CDH13: variants seen among roughly 807,000 people sequenced by gnomAD.
CDH13 encodes cadherin 13, also known as cadherin-13.
In CDH13, 24 loss-of-function variants were observed where a neutral mutation model predicts 63.8. The ratio of observed to expected loss-of-function variants is 0.38; its 90% CI spans 0.27 to 0.53. The LOEUF (loss-of-function observed/expected upper bound fraction) is 0.53. Ranked by LOEUF, CDH13 falls within the 20% of genes least tolerant of loss-of-function variation. The pLI is 0.85. For missense variants in CDH13, 1,049 were observed against 903.1 expected (o/e 1.16, Z -2.07); for synonymous variants, 503 against 355.3 (o/e 1.42, Z -4.67).
rs2042070937 is a variant in CDH13, at chr16:82,918,794, G to C, written c.157+60321G>C. ...GACAAAATGCTGCTATTATGGGTGTGAGCCCCTACGCCTGGCCCACACTGT... is the reference window on the plus strand; with the variant it reads ...GACAAAATGCTGCTATTATGGGTGTCAGCCCCTACGCCTGGCCCACACTGT... On this transcript the variant is annotated intron_variant, in intron 2 of 13. Transcript: ENST00000567109. Among the ~76,000 whole-genome samples, 4 of 152,092 alleles carry C rather than the reference G, an allele frequency of 2.6e-5. No individual in the cohort carries two copies. The South Asian group carries it at 8.3e-4, about 32-fold the overall frequency.
intron 4 of CDH13, among the ~76,000 whole-genome samples, chr16:83,133,065 A>G (rs1341907530): frequency 7.2e-5 from 11 of 152,222 alleles, no homozygotes; most frequent in South Asian, 2.1e-4. Context: ...ACACAGCCCA[A>G]TATGGTACCC....
chr16:83,117,169 C>T (rs2035344380), intron 3 of CDH13, among the ~76,000 whole-genome samples: 1 of 152,220 alleles, frequency 6.6e-6, no homozygotes, highest in Admixed American at 6.5e-5. Flanking sequence ...AAAACCCTTC[C>T]AGGGCTCACT....
chr16:83,557,698 C>T (rs150801529), intron 7 of CDH13, among the ~76,000 whole-genome samples: 3 of 152,148 alleles, frequency 2.0e-5, no homozygotes, highest in African/African-American at 7.2e-5. Context: ...AGATAAGCAG[C>T]GGGGACTTGC....
Position 83,512,321 on chromosome 16 carries a change from AAAATAAATAAATAAAT to A in CDH13, c.960+25702_960+25717del, listed in dbSNP as rs200161148. On this transcript the variant is annotated intron_variant, in intron 7 of 13. Coordinates refer to ENST00000567109, the MANE Select transcript of CDH13 (RefSeq NM_001257.5). ...GGCGGACAGAGTGAAACTCCGTCTC[AAAATAAATAAATAAAT>A]AAATAAATAAATAAATAAATAAATA... Among the ~76,000 whole-genome samples, 156 of 126,886 alleles carry A rather than the reference AAAATAAATAAATAAAT, an allele frequency of 1.2e-3. 1 individual carries two copies. Among genetic ancestry groups the A allele is most frequent in the East Asian group, 2.1e-3 (9 of 4,282 alleles). The allele number at this position is 126,886 out of a possible 152,430, so 83.2% of individuals were successfully genotyped here. A position where few individuals can be genotyped will look rare whatever the true frequency, so the allele number is the denominator to read the frequency against.
intron 7 of CDH13, among the ~76,000 whole-genome samples, chr16:83,593,495 A>G (rs1416862165): frequency 1.3e-5 from 2 of 152,050 alleles, no homozygotes; most frequent in Non-Finnish European, 2.9e-5. Flanking sequence ...AAAATTGACA[A>G]CAGTACAAAT....
chr16:83,348,154 C>T (rs777976119), intron 6 of CDH13, among the ~76,000 whole-genome samples: 1 of 152,148 alleles, frequency 6.6e-6, no homozygotes, highest in Non-Finnish European at 1.5e-5. Flanking sequence ...CACGCCACTG[C>T]ACTCCAGCCT....
At chr16:83,099,448 A>T (rs112633208) in intron 3 of CDH13, among the ~76,000 whole-genome samples, 1 of 151,106 alleles carries the variant, frequency 6.6e-6, no homozygotes, top group Non-Finnish European at 1.5e-5. Context: ...CTCAGCCTCC[A>T]GAGTAGCTGG....
chr16:83,743,062 C>T (rs946460901), intron 10 of CDH13, among the ~76,000 whole-genome samples: 2 of 152,146 alleles, frequency 1.3e-5, no homozygotes, highest in African/African-American at 4.8e-5. Flanking sequence ...GAAAATTTAG[C>T]CAGGCATGGT....
At chr16:82,711,060 G>T (rs931646070) in intron 1 of CDH13, among the ~76,000 whole-genome samples, 4 of 151,806 alleles carry the variant, frequency 2.6e-5, no homozygotes, top group African/African-American at 9.7e-5. Context: ...GTCTGGGCCA[G>T]TCATTTGCCC....
chr16:82,742,312 A>G (rs1257067268), intron 1 of CDH13, among the ~76,000 whole-genome samples: 1 of 152,118 alleles, frequency 6.6e-6, no homozygotes, highest in Admixed American at 6.5e-5. Flanking sequence ...TCTTATTTTT[A>G]TTTTTTTCTT....
At chr16:82,957,964 C>A (rs995138625) in intron 2 of CDH13, among the ~76,000 whole-genome samples, 1 of 152,166 alleles carries the variant, frequency 6.6e-6, no homozygotes, top group African/African-American at 2.4e-5. Context: ...CTGTGGAAGA[C>A]GCCTCTTCAC....
intron 8 of CDH13, among the ~76,000 whole-genome samples, chr16:83,617,849 T>A (rs1395616651): frequency 6.6e-6 from 1 of 152,132 alleles, no homozygotes; most frequent in African/African-American, 2.4e-5. Flanking sequence ...AATATGCACA[T>A]GTCCTAATAC....
chr16:83,429,926 C>G (rs1378624570), intron 6 of CDH13, among the ~76,000 whole-genome samples: 3 of 152,122 alleles, frequency 2.0e-5, no homozygotes, highest in Non-Finnish European at 2.9e-5. Context: ...AAAACTGATG[C>G]CCATTGATTA....
intron 5 of CDH13, among the ~76,000 whole-genome samples, chr16:83,300,170 G>A (rs1252572675): frequency 1.3e-5 from 2 of 152,218 alleles, no homozygotes; most frequent in South Asian, 2.1e-4. Context: ...TGAAGTCAAG[G>A]ATATGCTCAT....
chr16:83,546,281 C>A (rs945817481), intron 7 of CDH13, among the ~76,000 whole-genome samples: 1 of 152,074 alleles, frequency 6.6e-6, no homozygotes, highest in African/African-American at 2.4e-5. Context: ...TCTTGGCATC[C>A]CCAGACTCTT....
intron 2 of CDH13, among the ~76,000 whole-genome samples, chr16:82,878,119 G>A (rs774156997): frequency 6.6e-6 from 1 of 152,024 alleles, no homozygotes; most frequent in Non-Finnish European, 1.5e-5. Flanking sequence ...AAGCCAGATT[G>A]TCTGAGCCCC....
At chr16:82,797,414 G>A (rs557395622) in intron 1 of CDH13, among the ~76,000 whole-genome samples, 1 of 152,278 alleles carries the variant, frequency 6.6e-6, no homozygotes, top group East Asian at 1.9e-4. Flanking sequence ...GCTGCCGCCA[G>A]ACCTTTACCC....
chr16:82,721,069 A>G (rs2032740200), intron 1 of CDH13, among the ~76,000 whole-genome samples: 1 of 152,200 alleles, frequency 6.6e-6, no homozygotes, highest in Non-Finnish European at 1.5e-5. Flanking sequence ...CCAGGGATGC[A>G]AAGTGATTTG....
At chr16:83,615,568 G>C (rs1023756177) in intron 8 of CDH13, among the ~76,000 whole-genome samples, 1 of 151,952 alleles carries the variant, frequency 6.6e-6, no homozygotes, top group African/African-American at 2.4e-5. Context: ...GTGTGGCTGA[G>C]GTTTTAAATC....
Sources: gnomAD v4.1 joint callset for allele counts (sites outside exome capture counted in the v4.1 genomes callset) on GRCh38, gnomAD v4.1.1 for gene constraint, MANE v1.5 for transcripts, NCBI Gene and HGNC (gene_info 2026-07-23, HGNC 2026-07-21) for gene names.